NAV2: variants seen among roughly 807,000 people sequenced by gnomAD.
NAV2 encodes the protein helicase, APC down-regulated 1.
Under a neutral mutation model 223.2 loss-of-function variants are expected in NAV2, and 54 were observed. The observed-to-expected ratio is 0.24, with a 90% CI of 0.19 to 0.30. NAV2 has a LOEUF of 0.30. Among genes scored for constraint, NAV2 ranks in the 10% least tolerant of loss-of-function variants. The pLI is 1.00. For synonymous variants in NAV2, 1,279 were observed against 1,239.3 expected, an observed-to-expected ratio of 1.03 and a Z score of -0.67; for missense variants, 2,806 against 3,147.5, an observed-to-expected ratio of 0.89 and a Z score of 2.60.
chr11:19,629,109 C>T (rs2047263699), intron 1 of NAV2, among the ~76,000 whole-genome samples: 1 of 152,156 alleles, frequency 6.6e-6, no homozygotes, highest in African/African-American at 2.4e-5. Context: ...TTCATTGTCT[C>T]CGTGGAGTGC....
chr11:19,670,764 G>T (rs1011369875), intron 1 of NAV2, among the ~76,000 whole-genome samples: 1 of 152,230 alleles, frequency 6.6e-6, no homozygotes, highest in African/African-American at 2.4e-5. Flanking sequence ...GCTGCAGCTT[G>T]CGGGCACCTC....
chr11:19,892,733 G>A (rs1212919844), intron 6 of NAV2, 139 bp downstream of exon 6: 1 of 885,084 alleles, frequency 1.1e-6, no homozygotes, highest in Non-Finnish European at 1.6e-6. Context: ...TATTTGGTAG[G>A]CAGGAACTTT....
At chr11:19,957,926 G>A (rs1036565566) in intron 10 of NAV2, among the ~76,000 whole-genome samples, 1 of 152,188 alleles carries the variant, frequency 6.6e-6, no homozygotes, top group Non-Finnish European at 1.5e-5. Context: ...ATAAATGGGT[G>A]TCTTGTCTTC....
intron 1 of NAV2, among the ~76,000 whole-genome samples, chr11:19,412,157 A>G (rs1850172624): frequency 6.6e-6 from 1 of 152,168 alleles, no homozygotes; most frequent in African/African-American, 2.4e-5. Flanking sequence ...AGAGCCCAGC[A>G]AGCTAAAATC....
intron 26 of NAV2, among the ~76,000 whole-genome samples, chr11:20,086,466 G>A (rs1436614379): frequency 6.6e-6 from 1 of 152,126 alleles, no homozygotes; most frequent in Non-Finnish European, 1.5e-5. Context: ...ATTCTACCAT[G>A]AGCCAGTGCT....
At chr11:19,716,555 C>G (rs1484090285) in intron 1 of NAV2, among the ~76,000 whole-genome samples, 5 of 152,154 alleles carry the variant, frequency 3.3e-5, no homozygotes, top group Non-Finnish European at 7.3e-5. Flanking sequence ...GGCTTATTCT[C>G]TCAAGCCCCT....
intron 1 of NAV2, chr11:19,714,543 G>A (rs1219516337): frequency 2.2e-6 from 1 of 451,924 alleles, no homozygotes; most frequent in Non-Finnish European, 4.5e-6. Context: ...CTGGGACTGC[G>A]GTACTAGTGC....
chr11:19,367,266 C>A (rs1200873830), intron 1 of NAV2, among the ~76,000 whole-genome samples: 1 of 152,144 alleles, frequency 6.6e-6, no homozygotes, highest in African/African-American at 2.4e-5. Context: ...TCTGAGAAAC[C>A]TTCTCTGCCT....
intron 8 of NAV2, among the ~76,000 whole-genome samples, chr11:19,940,415 G>C (rs1395237924): frequency 6.6e-6 from 1 of 152,176 alleles, no homozygotes. Context: ...AAGAAGAAAA[G>C]TCACACCTTA....
chr11:19,567,171 A>T (rs2045292505), intron 1 of NAV2, among the ~76,000 whole-genome samples: 1 of 152,110 alleles, frequency 6.6e-6, no homozygotes, highest in Non-Finnish European at 1.5e-5. Context: ...ACATCCAGCT[A>T]TTGCCGGGGA....
At chr11:19,482,292 T>G (rs1002453224) in intron 1 of NAV2, among the ~76,000 whole-genome samples, 2 of 152,200 alleles carry the variant, frequency 1.3e-5, no homozygotes, top group Non-Finnish European at 2.9e-5. Flanking sequence ...GCAAGATGAA[T>G]TTCCTCCATG....
intron 11 of NAV2, among the ~76,000 whole-genome samples, chr11:19,986,489 G>A (rs1267110600): frequency 6.6e-6 from 1 of 152,092 alleles, no homozygotes; most frequent in Non-Finnish European, 1.5e-5. Context: ...TTGTGGTGAT[G>A]CACAACTGTA....
At chr11:20,008,330 C>A (rs1228933753) in intron 11 of NAV2, among the ~76,000 whole-genome samples, 1 of 152,090 alleles carries the variant, frequency 6.6e-6, no homozygotes, top group African/African-American at 2.4e-5. Flanking sequence ...TGTACTCCAG[C>A]CTAGGTGAAA....
At chr11:19,721,125 CCTT>C (rs2050716181) in intron 1 of NAV2, among the ~76,000 whole-genome samples, 1 of 152,184 alleles carries the variant, frequency 6.6e-6, no homozygotes, top group Admixed American at 6.5e-5. Context: ...TTGAAGTCAA[CCTT>C]CTTAAATAGC....
At chr11:20,101,307 C>G in intron 32 of NAV2, 135 bp downstream of exon 32, 1 of 670,994 alleles carries the variant, frequency 1.5e-6, no homozygotes, top group Non-Finnish European at 2.6e-6. Context: ...TGAAAGAGGT[C>G]CAGAGGGGGC....
At chr11:19,417,828 G>A (rs1296253664) in intron 1 of NAV2, among the ~76,000 whole-genome samples, 1 of 152,134 alleles carries the variant, frequency 6.6e-6, no homozygotes, top group Non-Finnish European at 1.5e-5. Context: ...CAGGGACATG[G>A]ATGAAGCTGG....
chr11:19,459,223 G>T lies in NAV2; in HGVS notation c.75+108196G>T, dbSNP rs76154221. On this transcript the variant is annotated intron_variant, in intron 1 of 37. Coordinates refer to the NAV2 transcript ENST00000360655. ...GAATTGACCGGGGGTAGCTGTCTTT[G>T]CAGGCCAGGCTAGGTCCAGGGGCAA... is the stretch of plus-strand genomic sequence containing the variant. Among the ~76,000 whole-genome samples the T allele has an allele frequency of 8.7e-3, 1,318 of 152,338 alleles. 22 individuals are homozygous for T. Among genetic ancestry groups the T allele is most frequent in the African/African-American group, 0.03 (1,253 of 41,578 alleles).
intron 1 of NAV2, among the ~76,000 whole-genome samples, chr11:19,620,240 T>G (rs1395137915): frequency 6.6e-6 from 1 of 152,092 alleles, no homozygotes; most frequent in African/African-American, 2.4e-5. Context: ...CTTGGCAATG[T>G]GGGCTCTTTT....
At chr11:19,349,324 TCTC>T (rs376664908), upstream of NAV2, among the ~76,000 whole-genome samples, 2 of 151,778 alleles carry the variant, frequency 1.3e-5, no homozygotes, top group Non-Finnish European at 2.9e-5. Flanking sequence ...TGCTAGTCCT[TCTC>T]CTCCTCCTCC....
Sources: allele counts gnomAD v4.1 joint callset (sites outside exome capture counted in the v4.1 genomes callset), GRCh38; gene constraint gnomAD v4.1.1; transcripts MANE v1.5; gene names NCBI Gene and HGNC (gene_info 2026-07-23, HGNC 2026-07-21).